Variants in ESR1 observed in about 807,000 individuals in gnomAD.
ESR1 encodes the protein estrogen receptor.
ESR1 carries 12 observed loss-of-function variants against 52.7 expected under a neutral mutation model. The observed-to-expected ratio is 0.23, with a 90% CI of 0.15 to 0.37. ESR1 has a LOEUF of 0.37. ESR1 is among the 10% of genes least tolerant of loss of function. ESR1 has a pLI of 1.00. For synonymous variants in ESR1, 305 were observed against 316.8 expected (o/e 0.96, Z 0.39); for missense variants, 584 against 779.7 (o/e 0.75, Z 2.99).
chr6:152,014,709 C>A (rs1326757998), intron 5 of ESR1, among the ~76,000 whole-genome samples: 1 of 152,080 alleles, frequency 6.6e-6, no homozygotes, highest in Non-Finnish European at 1.5e-5. Context: ...TGGCACAGGT[C>A]CTGGTTGTCT....
In ESR1 at chr6:152,110,524, C is replaced by T. The variant is rs549444293; in HGVS notation, c.851-14742C>T. On this transcript the variant is annotated intron_variant, in intron 6 of 6. Transcript: ENST00000427531. Reference sequence around the variant, plus strand: ...GGGAACAACACATACTGGGGCCTATCGGGGGGTGGAGGGTGGAAGGAGGGA... The same window carrying T: ...GGGAACAACACATACTGGGGCCTATTGGGGGGTGGAGGGTGGAAGGAGGGA... Among the ~76,000 whole-genome samples the T allele has an allele frequency of 6.6e-5, 10 of 151,474 alleles. No individual in the cohort carries two copies. In the East Asian group the frequency reaches 1.2e-3, roughly 18 times the overall value.
At chr6:151,753,061 A>G (rs1311370077) in intron 2 of ESR1, among the ~76,000 whole-genome samples, 1 of 152,196 alleles carries the variant, frequency 6.6e-6, no homozygotes. Context: ...AATAAATCAT[A>G]AGTATTAAAA....
intron 2 of ESR1, among the ~76,000 whole-genome samples, chr6:151,757,417 C>G (rs1784373142): frequency 6.6e-6 from 1 of 152,182 alleles, no homozygotes; most frequent in African/African-American, 2.4e-5. Context: ...AAGTTTCCAT[C>G]TCTCTTGTCT....
chr6:152,112,674 GC>G (rs1007932911), intron 6 of ESR1: 3 of 152,176 alleles, frequency 2.0e-5, no homozygotes, highest in Non-Finnish European at 2.9e-5. Context: ...GACATACCCA[GC>G]CCCAGAACGA....
chr6:151,710,269 C>CT (rs1010200925), intron 2 of ESR1, among the ~76,000 whole-genome samples: 69 of 142,442 alleles, frequency 4.8e-4, no homozygotes, highest in East Asian at 1.6e-3. Flanking sequence ...CCTGGTTTTC[C>CT]TTTTTTTTTT....
intron 2 of ESR1, among the ~76,000 whole-genome samples, chr6:151,862,576 T>A (rs955042599): frequency 2.6e-5 from 4 of 152,160 alleles, no homozygotes; most frequent in African/African-American, 9.7e-5. Context: ...AAGGTTTGGG[T>A]GAGCTGAAAG....
rs751407371 is a variant in ESR1 at position 151,842,616 on chromosome 6, C to T, written c.472C>T (p.Arg158Cys). The T allele has an allele frequency of 3.7e-6, 6 of 1,613,414 alleles. 1 individual carries two copies. In the African/African-American group the frequency reaches 4.0e-5, roughly 11 times the overall value. ...CCCCAGGCCAAATTCAGATAATCGA[C>T]GCCAGGGTGGCAGAGAAAGATTGGC... ...AFYRPNSDNR[R>C]QGGRERLAST... The change falls in exon 2 of 8, where the codon CGC becomes TGC. Residue 158 changes from arginine to cysteine, a missense_variant. Physicochemically the swap from Arg to Cys is radical, Grantham distance 180. This residue lies in a region of ESR1 where 251 missense variants were observed against 246.1 expected (regional missense o/e 1.02). Coordinates refer to ENST00000206249, the MANE Select transcript of ESR1 (RefSeq NM_000125.4).
intron 3 of ESR1, among the ~76,000 whole-genome samples, chr6:151,893,529 C>T (rs1795009518): frequency 6.6e-6 from 1 of 151,494 alleles, no homozygotes; most frequent in Admixed American, 6.6e-5. Context: ...TTTTTAAACG[C>T]TTGCTTTACA....
chr6:151,959,730 T>A (rs1047011481), intron 4 of ESR1, among the ~76,000 whole-genome samples: 1 of 152,036 alleles, frequency 6.6e-6, no homozygotes, highest in Non-Finnish European at 1.5e-5. Flanking sequence ...TCAAATTGCA[T>A]TTGGTGAGAG....
At chr6:151,775,591 CA>C (rs199783825) in intron 2 of ESR1, among the ~76,000 whole-genome samples, 1 of 151,864 alleles carries the variant, frequency 6.6e-6, no homozygotes, top group African/African-American at 2.4e-5. Context: ...ACTAAAAATA[CA>C]AAAAAATTAG....
intron 1 of ESR1, among the ~76,000 whole-genome samples, chr6:151,829,388 CTCTG>C (rs927085661): frequency 5.9e-5 from 9 of 152,238 alleles, no homozygotes; most frequent in African/African-American, 1.7e-4. Context: ...AGTTTCCTTT[CTCTG>C]TCTGTTTTCT....
chr6:152,055,486 T>G (rs1422703059), intron 5 of ESR1, among the ~76,000 whole-genome samples: 2 of 152,128 alleles, frequency 1.3e-5, no homozygotes, highest in Non-Finnish European at 2.9e-5. Context: ...AAGACTGAGT[T>G]ACTTTGTAAA....
intron 2 of ESR1, among the ~76,000 whole-genome samples, chr6:151,731,173 T>C (rs114449054): frequency 1.5e-3 from 229 of 152,122 alleles, no homozygotes; most frequent in African/African-American, 5.2e-3. Flanking sequence ...GTCCAACATA[T>C]AGTGAAACCC....
intron 2 of ESR1, among the ~76,000 whole-genome samples, chr6:151,739,022 T>A (rs1483279821): frequency 6.6e-6 from 1 of 152,212 alleles, no homozygotes; most frequent in African/African-American, 2.4e-5. Flanking sequence ...GCAGCCATTT[T>A]CAAACCATGG....
At chr6:152,070,764 C>T (rs896518430) in intron 6 of ESR1, among the ~76,000 whole-genome samples, 2 of 139,232 alleles carry the variant, frequency 1.4e-5, no homozygotes, top group Admixed American at 6.7e-5. Context: ...CCACCTCTTC[C>T]AGCACTTTCC....
At chr6:151,722,165 A>T (rs570218823) in intron 2 of ESR1, among the ~76,000 whole-genome samples, 3 of 152,358 alleles carry the variant, frequency 2.0e-5, no homozygotes, top group Non-Finnish European at 4.4e-5. Context: ...ACGAGGGATC[A>T]GTCCTTTTGG....
chr6:151,755,557 C>G (rs1449812761), intron 2 of ESR1, among the ~76,000 whole-genome samples: 1 of 152,154 alleles, frequency 6.6e-6, no homozygotes, highest in Non-Finnish European at 1.5e-5. Flanking sequence ...CCTTTCCTGC[C>G]CATGCTCTGT....
intron 4 of ESR1, among the ~76,000 whole-genome samples, chr6:151,990,994 A>G (rs2040957322): frequency 6.6e-6 from 1 of 152,212 alleles, no homozygotes; most frequent in South Asian, 2.1e-4. Flanking sequence ...AAATCCACAC[A>G]ATACCACCAG....
intron 1 of ESR1, among the ~76,000 whole-genome samples, chr6:151,683,864 A>ATTTTTTTTTTTTTTTTTT (rs66983259): frequency 8.4e-6 from 1 of 118,476 alleles, no homozygotes; most frequent in Non-Finnish European, 1.7e-5. Context: ...ACGTCTGGCT[A>ATTTTTTTTTTTTTTTTTT]TTTTTTTTTT....
Sources: gnomAD v4.1 joint callset for allele counts (sites outside exome capture counted in the v4.1 genomes callset) on GRCh38, gnomAD v4.1.1 for gene constraint, gnomAD v4.1.1 regional missense constraint, MANE v1.5 for transcripts, NCBI Gene and HGNC (gene_info 2026-07-23, HGNC 2026-07-21) for gene names.